ARAP1: variants seen among roughly 807,000 people sequenced by gnomAD.
ARAP1 encodes arf-GAP with Rho-GAP domain, ANK repeat and PH domain-containing protein 1.
A neutral mutation model predicts 172.2 loss-of-function variants in ARAP1; 76 were observed. The ratio of observed to expected loss-of-function variants is 0.44; its 90% CI spans 0.37 to 0.53. The LOEUF (loss-of-function observed/expected upper bound fraction) is 0.53, where lower values mean the gene tolerates loss of function less well. Among genes scored for constraint, ARAP1 ranks in the 20% least tolerant of loss-of-function variants. The probability of loss-of-function intolerance (pLI) is 0.00; values close to 1 mark genes in which losing one functional copy is unlikely to be tolerated. For synonymous variants in ARAP1, 804 were observed against 803.3 expected (o/e 1.00, Z -0.01); for missense variants, 1,686 against 1,977.5 (o/e 0.85, Z 2.80).
At chr11:72,718,934 G>A (rs1319186584) in intron 3 of ARAP1, among the ~76,000 whole-genome samples, 2 of 152,182 alleles carry the variant, frequency 1.3e-5, no homozygotes, top group East Asian at 1.9e-4. Flanking sequence ...CTCTGTGTGT[G>A]CGTGTCTACG....
Position 72,693,416 on chromosome 11 carries a change from C to T in ARAP1, c.3863G>A (p.Ser1288Asn). ...HGMMKFREDR[S>N]LLGLGLPSGG... ...TGAGGGCAGGCCCAGGCCCAGGAGG[C>T]TGCGGTCCTCACGGAACTTCATCAT... The change falls in exon 29 of 35, where the codon AGC becomes AAC. Residue 1288 changes from serine to asparagine, a missense_variant. Ser to Asn is a conservative substitution (Grantham distance 46). This residue lies in a region of ARAP1 where 379 missense variants were observed against 500.1 expected (regional missense o/e 0.76). Transcript: ENST00000393609. The surrounding 1 kb of genome is among the most constrained non-coding windows in gnomAD (Gnocchi z 4.6). The T allele has an allele frequency of 1.2e-6, 2 of 1,613,904 alleles. No individual in the cohort carries two copies. The highest frequency in any genetic ancestry group is 2.2e-5 in the East Asian group (1 of 44,878).
rs149727811 is a variant in ARAP1, at chr11:72,690,260, C to T, written c.3988-1723G>A. ...ACTGCAGGAATCAAGACATTCAAAC[C>T]AGGCTGTGGCTCCAAGAATGAAAAC... On this transcript the variant is annotated intron_variant, in intron 30 of 34. Transcript: ENST00000393609. Among the ~76,000 whole-genome samples, 14 of 152,286 alleles carry T rather than the reference C, an allele frequency of 9.2e-5. No individual in the cohort carries two copies. In the South Asian group the frequency reaches 1.7e-3, roughly 18 times the overall value.
intron 19 of ARAP1, 55 bp downstream of exon 19, chr11:72,697,856 G>C: frequency 6.7e-7 from 1 of 1,502,694 alleles, no homozygotes; most frequent in Non-Finnish European, 8.9e-7. Flanking sequence ...CTGGGGGCCT[G>C]GGAGCCCAGG....
intron 15 of ARAP1, 110 bp downstream of exon 15, chr11:72,702,795 T>G: frequency 7.3e-7 from 1 of 1,366,074 alleles, no homozygotes; most frequent in Non-Finnish European, 9.8e-7. Context: ...TCACACATGA[T>G]TTATCACAGG....
intron 2 of ARAP1, among the ~76,000 whole-genome samples, chr11:72,730,548 G>A (rs1289167218): frequency 6.6e-6 from 1 of 152,122 alleles, no homozygotes; most frequent in Admixed American, 6.5e-5. Flanking sequence ...AATACAAAAA[G>A]TTAGCCAGGC....
intron 18 of ARAP1, among the ~76,000 whole-genome samples, 157 bp from the exon 19 acceptor site, chr11:72,698,263 A>G (rs1591182879): frequency 6.6e-6 from 1 of 152,178 alleles, no homozygotes; most frequent in Non-Finnish European, 1.5e-5. Flanking sequence ...GAACTTGGGT[A>G]CCATGCCCCA....
Position 72,714,216 on chromosome 11 carries a change from A to C in ARAP1, c.615T>G (p.Pro205=). The C allele has an allele frequency of 1.3e-6, 2 of 1,516,046 alleles. No homozygotes were observed. The highest frequency in any genetic ancestry group is 1.8e-6 in the Non-Finnish European group (2 of 1,136,126). 93.9% of individuals were successfully genotyped at this position (1,516,046 alleles called of 1,614,324 possible). A position where few individuals can be genotyped will look rare whatever the true frequency, so the allele number is the denominator to read the frequency against. The part of the protein sequence containing the change: ...LSTLPQGPPQ[P]PSPPPCPPEI... ...CCGGGGGGCAGGGAGGTGGAGAGGG[A>C]GGCTGGGGAGGCCCCTGGGGGAGGG... The change falls in exon 4 of 35, where the codon CCT becomes CCG. Residue 205 remains proline, a synonymous_variant. Coordinates refer to ENST00000393609, the MANE Select transcript of ARAP1 (RefSeq NM_001040118.3).
At chr11:72,745,182 CTTTTTT>C (rs902550014) in intron 1 of ARAP1, among the ~76,000 whole-genome samples, 1 of 88,312 alleles carries the variant, frequency 1.1e-5, no homozygotes, top group African/African-American at 4.9e-5. Flanking sequence ...AAGTTTCTTT[CTTTTTT>C]TTTTTTTTTT....
chr11:72,708,935 G>C (rs545046735), intron 11 of ARAP1, among the ~76,000 whole-genome samples: 1 of 152,220 alleles, frequency 6.6e-6, no homozygotes, highest in East Asian at 1.9e-4. Context: ...TACTTGGGGA[G>C]GCTGAAGCAG....
chr11:72,701,656 G>T lies in ARAP1; in HGVS notation c.2295C>A (p.Ala765=). ...SAGKLLQDRR[A]REEFSRRWCV... is the part of the protein sequence containing the mutation. ...GTCTGGGGTGGCACCCACCTTCCCG[G>T]GCCCGGCGGTCCTGTAGCAGCTTGC... Residue 765 remains alanine (A), a synonymous_variant, in exon 16 of 35, where the codon GCC becomes GCA. Coordinates refer to ENST00000393609, the MANE Select transcript of ARAP1 (RefSeq NM_001040118.3). 1 of 1,613,146 alleles carries T rather than the reference G, an allele frequency of 6.2e-7. No homozygotes were observed. Among genetic ancestry groups the T allele is most frequent in the African/African-American group, 1.3e-5 (1 of 75,036 alleles).
At chr11:72,723,748 C>T (rs961062129) in intron 3 of ARAP1, among the ~76,000 whole-genome samples, 5 of 152,202 alleles carry the variant, frequency 3.3e-5, no homozygotes, top group Non-Finnish European at 4.4e-5. Flanking sequence ...CATTTACTCA[C>T]CCACACGATA....
intron 1 of ARAP1, among the ~76,000 whole-genome samples, chr11:72,742,232 A>T (rs1358862087): frequency 1.3e-5 from 2 of 152,276 alleles, no homozygotes; most frequent in East Asian, 3.9e-4. Flanking sequence ...CAGCAGGCCC[A>T]CAGGGAGCCC....
rs959959697 is a variant in ARAP1, at chr11:72,741,864, C to G, written c.-127-9267G>C. On this transcript the variant is annotated intron_variant, in intron 1 of 34. Coordinates refer to ENST00000393609, the MANE Select transcript of ARAP1 (RefSeq NM_001040118.3). This position sits in a 1 kb window ranked among gnomAD's most constrained non-coding sequence, Gnocchi z 4.5. Reference sequence around the variant, plus strand: ...ACTCCTCTGTGAGCTCACTGGAAACCTAAAGCTCCTGCCCACCAAGGAGGA... The same window carrying G: ...ACTCCTCTGTGAGCTCACTGGAAACGTAAAGCTCCTGCCCACCAAGGAGGA... Among the ~76,000 whole-genome samples, 2 of 152,164 alleles carry G rather than the reference C, an allele frequency of 1.3e-5. No homozygotes were observed. Among genetic ancestry groups the G allele is most frequent in the Non-Finnish European group, 2.9e-5 (2 of 68,000 alleles).
chr11:72,688,802 T>TG (rs1160732442), intron 30 of ARAP1: 7 of 435,440 alleles, frequency 1.6e-5, no homozygotes, highest in Non-Finnish European at 3.0e-5. Flanking sequence ...CCGTCCCAAC[T>TG]GGGACATCTG....
At chr11:72,736,871 CAT>C (rs1324490178) in intron 1 of ARAP1, among the ~76,000 whole-genome samples, 2 of 152,326 alleles carry the variant, frequency 1.3e-5, no homozygotes, top group Non-Finnish European at 2.9e-5. Context: ...TTGTCAGTGA[CAT>C]ACCCCAACCC....
intron 31 of ARAP1, 27 bp from the exon 32 acceptor site, chr11:72,687,765 G>T (rs1420179400): frequency 6.2e-7 from 1 of 1,613,906 alleles, no homozygotes. Context: ...GAGAGAGTTG[G>T]GTGTTTGACA....
intron 1 of ARAP1, among the ~76,000 whole-genome samples, chr11:72,738,914 A>G (rs996574076): frequency 6.6e-6 from 1 of 151,040 alleles, no homozygotes; most frequent in African/African-American, 2.4e-5. Context: ...CCAATACCCC[A>G]CCCTTGGCCC....
In ARAP1 at chr11:72,707,575, G is replaced by T. The variant is rs151089769; in HGVS notation, c.1524-201C>A. 5.9e-5 allele frequency among the ~76,000 whole-genome samples: 9 copies of T among 152,320 alleles called. 1 individual carries two copies. In the East Asian group the frequency reaches 1.7e-3, roughly 29 times the overall value. ...CACAAGAGCGTATGGGGGCAGGGGA[G>T]CCCAGTGGGGGGCTCTGCCCAGCCC... On this transcript the variant is annotated intron_variant, in intron 11 of 34. Coordinates refer to ENST00000393609, the MANE Select transcript of ARAP1 (RefSeq NM_001040118.3).
Position 72,714,198 on chromosome 11 carries a change from G to A in ARAP1, c.633C>T (p.Cys211=), listed in dbSNP as rs1171534701. 6 of 1,522,474 alleles carry A rather than the reference G, an allele frequency of 3.9e-6. No homozygotes were observed. Among genetic ancestry groups the A allele is most frequent in the African/African-American group, 2.8e-5 (2 of 70,292 alleles). 94.3% of individuals were successfully genotyped at this position (1,522,474 alleles called of 1,614,324 possible). A position where few individuals can be genotyped will look rare whatever the true frequency, so the allele number is the denominator to read the frequency against. ...GPPQPPSPPP[C]PPEIPPKPVR... is the part of the protein sequence containing the mutation. Reference sequence around the variant, plus strand: ...CCGGCTTTGGAGGTATCTCCGGGGGGCAGGGAGGTGGAGAGGGAGGCTGGG... The same window carrying A: ...CCGGCTTTGGAGGTATCTCCGGGGGACAGGGAGGTGGAGAGGGAGGCTGGG... Residue 211 remains cysteine (C), a synonymous_variant, in exon 4 of 35, where the codon TGC becomes TGT. Transcript: ENST00000393609.
Sources: allele counts gnomAD v4.1 joint callset (sites outside exome capture counted in the v4.1 genomes callset), GRCh38; gene constraint gnomAD v4.1.1; regional missense constraint gnomAD v4.1.1; non-coding constraint Gnocchi (gnomAD v3.1); transcripts MANE v1.5; gene names NCBI Gene and HGNC (gene_info 2026-07-23, HGNC 2026-07-21).